VGLL4: variants seen among roughly 807,000 people sequenced by gnomAD.
The protein encoded by VGLL4 is vestigial like family member 4, also known as transcription cofactor vestigial-like protein 4.
VGLL4 carries 7 observed loss-of-function variants against 21.0 expected under a neutral mutation model. The ratio of observed to expected loss-of-function variants is 0.33; its 90% CI spans 0.19 to 0.63. VGLL4 has a LOEUF of 0.63. Ranked by LOEUF, VGLL4 falls within the 20% of genes least tolerant of loss-of-function variation. The pLI, the probability that VGLL4 is intolerant of heterozygous loss-of-function variation, is 0.78. For synonymous variants in VGLL4, 222 were observed against 173.2 expected (o/e 1.28, Z -2.21); for missense variants, 394 against 425.7 (o/e 0.93, Z 0.66).
intron 2 of VGLL4, among the ~76,000 whole-genome samples, chr3:11,668,963 C>T (rs1413539277): frequency 1.3e-5 from 2 of 152,338 alleles, no homozygotes; most frequent in South Asian, 2.1e-4. Flanking sequence ...ACCAACCAGG[C>T]TGAAATCATC....
chr3:11,596,235 A>G lies in VGLL4; in HGVS notation c.272+5598T>C, dbSNP rs60003883. On this transcript the variant is annotated intron_variant, in intron 2 of 4. Coordinates refer to ENST00000430365, the MANE Select transcript of VGLL4 (RefSeq NM_001128219.3). The stretch of plus-strand genomic sequence containing the variant: ...AAATTTGAAAGGATGGAAAAAGTCT[A>G]AAACTGAATGCAAACAGAAATGAAT... 9.6e-3 allele frequency among the ~76,000 whole-genome samples: 1,459 copies of G among 152,312 alleles called. 18 individuals carry two copies. Among genetic ancestry groups the G allele is most frequent in the African/African-American group, 0.033 (1,362 of 41,560 alleles).
intron 2 of VGLL4, among the ~76,000 whole-genome samples, chr3:11,694,816 G>A (rs13089629): frequency 0.44 from 66,886 of 151,932 alleles, 15,675 homozygotes; most frequent in Non-Finnish European, 0.54. Context: ...AACCAAATCC[G>A]GCAGACTGGC....
At chr3:11,586,639 C>T (rs535384383) in intron 2 of VGLL4, among the ~76,000 whole-genome samples, 2 of 152,134 alleles carry the variant, frequency 1.3e-5, no homozygotes, top group Admixed American at 6.5e-5. Flanking sequence ...CTTAAGTATA[C>T]GAGAGGATTT....
At position 11,601,667 on chromosome 3, in the gene VGLL4, T is replaced by C. The variant is rs1575439045; in HGVS notation, c.272+166A>G. 2.0e-5 allele frequency among the ~76,000 whole-genome samples: 3 copies of C among 152,248 alleles called. No individual in the cohort carries two copies. In the South Asian group the frequency reaches 6.2e-4, roughly 32 times the overall value. On this transcript the variant is annotated intron_variant, in intron 2 of 4. Transcript: ENST00000430365. Reference sequence around the variant, plus strand: ...CCTCACCGCGAGTTATCAAAATGAGTTTACTACCTTCTTTTTGGCAGATGA... The same window carrying C: ...CCTCACCGCGAGTTATCAAAATGAGCTTACTACCTTCTTTTTGGCAGATGA...
intron 1 of VGLL4, among the ~76,000 whole-genome samples, chr3:11,623,385 C>A (rs6766610): frequency 0.52 from 79,137 of 151,980 alleles, 20,840 homozygotes; most frequent in Non-Finnish European, 0.55. Flanking sequence ...ATACCCAAGT[C>A]TCAAAGTCCA....
intron 2 of VGLL4, among the ~76,000 whole-genome samples, chr3:11,571,967 C>T (rs1164420111): frequency 1.3e-5 from 2 of 152,090 alleles, no homozygotes; most frequent in Non-Finnish European, 2.9e-5. Context: ...ATTATCTGGG[C>T]GTGGTGTCAC....
chr3:11,574,083 G>C (rs1428866405), intron 2 of VGLL4, among the ~76,000 whole-genome samples: 1 of 152,162 alleles, frequency 6.6e-6, no homozygotes, highest in Non-Finnish European at 1.5e-5. Flanking sequence ...GAAGCAGCCA[G>C]CCCTGCTGAC....
intron 1 of VGLL4, among the ~76,000 whole-genome samples, chr3:11,623,897 C>G (rs183886928): frequency 6.6e-6 from 1 of 151,928 alleles, no homozygotes; most frequent in Admixed American, 6.6e-5. Context: ...CCCTCCACCA[C>G]GCTTGGTTAA....
intron 2 of VGLL4, among the ~76,000 whole-genome samples, chr3:11,684,392 TA>T (rs1183024231): frequency 6.6e-6 from 1 of 151,848 alleles, no homozygotes. Context: ...TTTTTTTCTT[TA>T]AAAAAAAGAC....
At chr3:11,560,106 C>T (rs1013055279) in intron 3 of VGLL4, among the ~76,000 whole-genome samples, 1 of 152,098 alleles carries the variant, frequency 6.6e-6, no homozygotes, top group Admixed American at 6.5e-5. Flanking sequence ...TTCCTTCAAG[C>T]CCTGTTCAGA....
At chr3:11,696,038 T>C (rs1041834621) in intron 2 of VGLL4, among the ~76,000 whole-genome samples, 2 of 152,182 alleles carry the variant, frequency 1.3e-5, no homozygotes, top group African/African-American at 2.4e-5. Context: ...CAGACAGACA[T>C]AGGCGACAAA....
rs759959982 is a variant in VGLL4, at chr3:11,671,347, C to T, written c.64+31624G>A. The T allele has an allele frequency of 5.2e-5, 66 of 1,265,556 alleles. No homozygotes were observed. The East Asian group carries it at 8.8e-4, about 17-fold the overall frequency. The allele number at this position is 1,265,556 out of a possible 1,614,324, so 78.4% of individuals were successfully genotyped here. A position where few individuals can be genotyped will look rare whatever the true frequency, so the allele number is the denominator to read the frequency against. On this transcript the variant is annotated intron_variant, in intron 2 of 5. Coordinates refer to the VGLL4 transcript ENST00000273038. ...AATGCGTATTCTCAGTCATCAGTTC[C>T]GCAGCGAGGACTACGATTCTGCATT... is the stretch of plus-strand genomic sequence containing the variant.
chr3:11,592,628 C>T (rs567650763), intron 2 of VGLL4, among the ~76,000 whole-genome samples: 57 of 152,292 alleles, frequency 3.7e-4, no homozygotes, highest in Middle Eastern at 6.8e-3. Context: ...GGTCCAGTAT[C>T]GAATGATTCA....
chr3:11,697,677 C>CT (rs999122798), intron 2 of VGLL4, among the ~76,000 whole-genome samples: 15 of 152,188 alleles, frequency 9.9e-5, no homozygotes, highest in Non-Finnish European at 2.1e-4. Flanking sequence ...GTTTGCTTTC[C>CT]TTTTTTTAAG....
intron 1 of VGLL4, among the ~76,000 whole-genome samples, chr3:11,637,275 G>C (rs939708651): frequency 6.6e-6 from 1 of 152,094 alleles, no homozygotes; most frequent in Non-Finnish European, 1.5e-5. Context: ...ACACTTTTCT[G>C]TATGTATATT....
At chr3:11,652,482 C>T (rs1037539955) in intron 2 of VGLL4, among the ~76,000 whole-genome samples, 7 of 152,064 alleles carry the variant, frequency 4.6e-5, no homozygotes, top group African/African-American at 7.2e-5. Context: ...TGCAGTGGCG[C>T]GATGTCTGCT....
intron 2 of VGLL4, among the ~76,000 whole-genome samples, chr3:11,566,260 CT>C (rs1354630436): frequency 2.6e-5 from 4 of 152,186 alleles, no homozygotes; most frequent in Non-Finnish European, 1.5e-5. Flanking sequence ...ATAGGCGTAC[CT>C]TTCTAAAACT....
At chr3:11,668,749 G>A (rs1044964161) in intron 2 of VGLL4, among the ~76,000 whole-genome samples, 2 of 152,206 alleles carry the variant, frequency 1.3e-5, no homozygotes, top group Admixed American at 1.3e-4. Context: ...TCTCTTGCAC[G>A]TTTGGAGAAG....
intron 2 of VGLL4, among the ~76,000 whole-genome samples, chr3:11,681,866 C>A (rs571386458): frequency 6.6e-6 from 1 of 152,088 alleles, no homozygotes; most frequent in East Asian, 1.9e-4. Context: ...TGAAACAGGG[C>A]GACGGCCATA....
Sources: gnomAD v4.1 joint callset for allele counts (sites outside exome capture counted in the v4.1 genomes callset) on GRCh38, gnomAD v4.1.1 for gene constraint, MANE v1.5 for transcripts, NCBI Gene and HGNC (gene_info 2026-07-23, HGNC 2026-07-21) for gene names.